The following CAMTA1 variants were observed in gnomAD, a reference collection of about 807,000 sequenced individuals.
The protein encoded by CAMTA1 is calmodulin-binding transcription activator 1.
A neutral mutation model predicts 170.9 loss-of-function variants in CAMTA1; 27 were observed. The ratio of observed to expected loss-of-function variants is 0.16; its 90% CI spans 0.12 to 0.22. The LOEUF (loss-of-function observed/expected upper bound fraction) is 0.22, where lower values mean the gene tolerates loss of function less well. Among genes scored for constraint, CAMTA1 ranks in the 10% least tolerant of loss-of-function variants. CAMTA1 has a pLI of 1.00. For synonymous variants in CAMTA1, 833 were observed against 891.5 expected (o/e 0.93, Z 1.17); for missense variants, 1,619 against 2,217.2 (o/e 0.73, Z 5.42).
intron 5 of CAMTA1, among the ~76,000 whole-genome samples, chr1:7,258,030 C>T (rs564436734): frequency 1.1e-4 from 17 of 152,290 alleles, no homozygotes; most frequent in African/African-American, 3.6e-4. Flanking sequence ...TGGGGACTTT[C>T]GTGCTCCCTC....
At chr1:7,760,168 C>T (rs1447264024) in intron 22 of CAMTA1, among the ~76,000 whole-genome samples, 4 of 152,202 alleles carry the variant, frequency 2.6e-5, no homozygotes, top group Admixed American at 6.5e-5. Flanking sequence ...GAAGAAATAA[C>T]ACTTTTTAGT....
chr1:7,327,893 C>T (rs943971153), intron 5 of CAMTA1, among the ~76,000 whole-genome samples: 2 of 152,086 alleles, frequency 1.3e-5, no homozygotes, highest in African/African-American at 4.8e-5. Context: ...ATTTTATTCT[C>T]ATTATTTCAA....
chr1:7,137,748 A>G (rs116520490), intron 4 of CAMTA1, among the ~76,000 whole-genome samples: 118 of 152,080 alleles, frequency 7.8e-4, no homozygotes, highest in African/African-American at 2.7e-3. Context: ...CCTTCAGGCA[A>G]TGCCTCAAAT....
intron 7 of CAMTA1, among the ~76,000 whole-genome samples, chr1:7,643,721 C>A (rs1053680469): frequency 1.5e-4 from 23 of 152,276 alleles, no homozygotes. Context: ...ACACTCAGCT[C>A]TCTGGTGTCT....
At chr1:7,031,392 T>A (rs1333779348) in intron 3 of CAMTA1, among the ~76,000 whole-genome samples, 1 of 152,252 alleles carries the variant, frequency 6.6e-6, no homozygotes, top group East Asian at 1.9e-4. Flanking sequence ...GATATTAACA[T>A]AGCCATTGCA....
chr1:7,044,142 G>A lies in CAMTA1; in HGVS notation c.235-47162G>A, dbSNP rs548316361. Reference sequence around the variant, plus strand: ...TCCTGGATGTCTCTGCAGAAGGCACGTGGGTGTCACATATGCACACACATG... The same window carrying A: ...TCCTGGATGTCTCTGCAGAAGGCACATGGGTGTCACATATGCACACACATG... On this transcript the variant is annotated intron_variant, in intron 3 of 22. Transcript: ENST00000303635. This position sits in a 1 kb window ranked among gnomAD's most constrained non-coding sequence, Gnocchi z 5.0. Among the ~76,000 whole-genome samples, 3 of 152,356 alleles carry A rather than the reference G, an allele frequency of 2.0e-5. No homozygotes were observed. The highest frequency in any genetic ancestry group is 2.1e-4 in the South Asian group (1 of 4,830).
At chr1:7,081,444 A>G (rs1639997513) in intron 3 of CAMTA1, among the ~76,000 whole-genome samples, 1 of 152,282 alleles carries the variant, frequency 6.6e-6, no homozygotes, top group African/African-American at 2.4e-5. Context: ...GAACAATATC[A>G]AAATAGAAGT....
Position 7,562,547 on chromosome 1 carries a change from G to A in CAMTA1, c.511-77853G>A, listed in dbSNP as rs888366536. On this transcript the variant is annotated intron_variant, in intron 6 of 22. Transcript: ENST00000303635. This position sits in a 1 kb window ranked among gnomAD's most constrained non-coding sequence, Gnocchi z 4.8. ...TGCTGCTCCCCTTGACAGCTACCTG[G>A]CCCCTGACAGGCAGCAGTACCCGCT... Among the ~76,000 whole-genome samples the A allele has an allele frequency of 3.9e-5, 6 of 152,174 alleles. No individual in the cohort carries two copies. Among genetic ancestry groups the A allele is most frequent in the Non-Finnish European group, 4.4e-5 (3 of 68,034 alleles).
At position 7,661,831 on chromosome 1, in the gene CAMTA1, C is replaced by T. The variant is rs781492936; in HGVS notation, c.770C>T (p.Pro257Leu). 1.1e-5 allele frequency: 18 copies of T among 1,613,216 alleles called. No individual in the cohort carries two copies. Among genetic ancestry groups the T allele is most frequent in the South Asian group, 2.2e-5 (2 of 90,966 alleles). Reference sequence around the variant, plus strand: ...GACAGCCACCAGACCAAGCCCCAGCCGCGGACCCACAACTGCCTCTGCACC... The same window carrying T: ...GACAGCCACCAGACCAAGCCCCAGCTGCGGACCCACAACTGCCTCTGCACC... ...ILDSHQTKPQ[P>L]RTHNCLCTGS... Residue 257 changes from proline to leucine, a missense_variant, in exon 8 of 23, where the codon CCG becomes CTG. By Grantham distance (98) the Pro-to-Leu change is moderately conservative. Coordinates refer to ENST00000303635, the MANE Select transcript of CAMTA1 (RefSeq NM_015215.4).
At chr1:7,381,550 A>G (rs1245786373) in intron 5 of CAMTA1, among the ~76,000 whole-genome samples, 2 of 151,206 alleles carry the variant, frequency 1.3e-5, no homozygotes, top group African/African-American at 4.9e-5. Context: ...AATCCAGTCT[A>G]TCATTGTTGG....
At chr1:7,636,419 T>C (rs1189492245) in intron 6 of CAMTA1, among the ~76,000 whole-genome samples, 3 of 152,120 alleles carry the variant, frequency 2.0e-5, no homozygotes, top group African/African-American at 7.2e-5. Context: ...ACAACCTGTG[T>C]TTAGAAAGGC....
At chr1:7,515,798 G>A (rs1488757900) in intron 6 of CAMTA1, among the ~76,000 whole-genome samples, 2 of 152,162 alleles carry the variant, frequency 1.3e-5, no homozygotes, top group Non-Finnish European at 2.9e-5. Flanking sequence ...AAGACTCCAC[G>A]ACTCTTTTCC....
At chr1:6,988,559 G>C (rs1695756770) in intron 3 of CAMTA1, among the ~76,000 whole-genome samples, 1 of 152,132 alleles carries the variant, frequency 6.6e-6, no homozygotes, top group African/African-American at 2.4e-5. Context: ...ACCCTGGAAA[G>C]AACCCTAGTA....
chr1:7,422,317 C>T (rs1317550482), intron 5 of CAMTA1, among the ~76,000 whole-genome samples: 2 of 152,148 alleles, frequency 1.3e-5, no homozygotes, highest in East Asian at 3.9e-4. Flanking sequence ...GGCTTCCATC[C>T]AGGGCCTGGT....
chr1:7,504,015 C>A (rs1442360086), intron 6 of CAMTA1, among the ~76,000 whole-genome samples: 1 of 152,180 alleles, frequency 6.6e-6, no homozygotes, highest in Non-Finnish European at 1.5e-5. Context: ...CAAAGGGCAG[C>A]CAGAGGGGCC....
intron 4 of CAMTA1, among the ~76,000 whole-genome samples, chr1:7,152,558 G>A (rs185615658): frequency 1.3e-5 from 2 of 152,246 alleles, no homozygotes; most frequent in African/African-American, 4.8e-5. Flanking sequence ...TGAGAAAACA[G>A]GGAGGTTGCC....
intron 4 of CAMTA1, among the ~76,000 whole-genome samples, chr1:7,214,369 A>AT (rs1659358276): frequency 2.6e-5 from 4 of 151,892 alleles, no homozygotes; most frequent in East Asian, 1.9e-4. Flanking sequence ...GATTTTATTT[A>AT]TTTTTTTCTT....
At chr1:7,472,248 C>A (rs2093346122) in intron 6 of CAMTA1, among the ~76,000 whole-genome samples, 1 of 152,170 alleles carries the variant, frequency 6.6e-6, no homozygotes, top group Admixed American at 6.5e-5. Flanking sequence ...GGTGGCAGTG[C>A]AGGTCGGGGC....
chr1:7,308,141 T>A (rs1433007182), intron 5 of CAMTA1, among the ~76,000 whole-genome samples: 3 of 152,078 alleles, frequency 2.0e-5, no homozygotes, highest in Non-Finnish European at 4.4e-5. Context: ...GTAGAATTTA[T>A]CTATGTGAAG....
Sources: gnomAD v4.1 joint callset for allele counts (sites outside exome capture counted in the v4.1 genomes callset) on GRCh38, gnomAD v4.1.1 for gene constraint, Gnocchi (gnomAD v3.1) non-coding constraint, MANE v1.5 for transcripts, NCBI Gene and HGNC (gene_info 2026-07-23, HGNC 2026-07-21) for gene names.